CADM2: variants seen among roughly 807,000 people sequenced by gnomAD.
CADM2 encodes immunoglobulin superfamily member 4D.
Under a neutral mutation model 49.8 loss-of-function variants are expected in CADM2, and 12 were observed. The ratio of observed to expected loss-of-function variants is 0.24; its 90% CI spans 0.15 to 0.39. The LOEUF is 0.39. Ranked by LOEUF, CADM2 falls within the 10% of genes least tolerant of loss-of-function variation. The probability of loss-of-function intolerance (pLI) is 1.00; values close to 1 mark genes in which losing one functional copy is unlikely to be tolerated. For missense variants in CADM2, 378 were observed against 492.3 expected, an observed-to-expected ratio of 0.77 and a Z score of 2.20; for synonymous variants, 214 against 175.4, an observed-to-expected ratio of 1.22 and a Z score of -1.74.
At chr3:85,914,403 A>C (rs1718012927) in intron 6 of CADM2, among the ~76,000 whole-genome samples, 1 of 152,148 alleles carries the variant, frequency 6.6e-6, no homozygotes, top group African/African-American at 2.4e-5. Flanking sequence ...AATAAATGTC[A>C]ATTGTCTTCC....
chr3:86,021,465 C>T (rs1004594949), intron 8 of CADM2, among the ~76,000 whole-genome samples: 2 of 152,096 alleles, frequency 1.3e-5, no homozygotes, highest in African/African-American at 2.4e-5. Flanking sequence ...TAAGTAGTCT[C>T]TAATAATAAT....
At chr3:85,925,538 A>T (rs1719717773) in intron 6 of CADM2, among the ~76,000 whole-genome samples, 1 of 152,194 alleles carries the variant, frequency 6.6e-6, no homozygotes, top group Non-Finnish European at 1.5e-5. Flanking sequence ...TGTACCCAGG[A>T]AAAAACGAGA....
intron 1 of CADM2, among the ~76,000 whole-genome samples, chr3:85,089,726 A>T (rs2066300118): frequency 6.6e-6 from 1 of 152,132 alleles, no homozygotes; most frequent in Non-Finnish European, 1.5e-5. Flanking sequence ...TTCTGTACGA[A>T]AAACAAGCTT....
intron 1 of CADM2, among the ~76,000 whole-genome samples, chr3:85,086,734 T>C (rs895005851): frequency 6.6e-6 from 1 of 151,946 alleles, no homozygotes; most frequent in Non-Finnish European, 1.5e-5. Context: ...GTCTGGAACT[T>C]CTGAGTGTAA....
chr3:85,771,100 T>C (rs1351859363), intron 2 of CADM2, among the ~76,000 whole-genome samples: 2 of 152,112 alleles, frequency 1.3e-5, no homozygotes, highest in African/African-American at 2.4e-5. Context: ...TAGAAAACAA[T>C]AACTCTTCCA....
At chr3:85,454,225 G>A (rs1161991960) in intron 1 of CADM2, among the ~76,000 whole-genome samples, 1 of 152,076 alleles carries the variant, frequency 6.6e-6, no homozygotes, top group East Asian at 1.9e-4. Flanking sequence ...TGTGGTGGCA[G>A]GAGGCTGAGG....
At chr3:85,734,493 G>T (rs1348525803) in intron 2 of CADM2, among the ~76,000 whole-genome samples, 4 of 150,504 alleles carry the variant, frequency 2.7e-5, no homozygotes. Flanking sequence ...ATACAATGGA[G>T]ATTATATATA....
intron 8 of CADM2, among the ~76,000 whole-genome samples, chr3:85,977,511 T>C (rs1178025719): frequency 1.3e-5 from 2 of 151,598 alleles, no homozygotes; most frequent in African/African-American, 4.8e-5. Context: ...ATTTTCTATT[T>C]TAGATAAGTA....
intron 1 of CADM2, among the ~76,000 whole-genome samples, chr3:85,115,737 A>G (rs2038615891): frequency 6.6e-6 from 1 of 152,200 alleles, no homozygotes; most frequent in Admixed American, 6.5e-5. Flanking sequence ...TGTGCCTGAC[A>G]ATGATCCTGT....
chr3:85,336,982 A>C (rs912840138), intron 1 of CADM2, among the ~76,000 whole-genome samples: 1 of 55,756 alleles, frequency 1.8e-5, no homozygotes, highest in African/African-American at 6.0e-5. Flanking sequence ...TATATTTAAT[A>C]TATATATATT....
intron 1 of CADM2, among the ~76,000 whole-genome samples, chr3:85,686,934 C>T (rs2066235020): frequency 6.6e-6 from 1 of 152,140 alleles, no homozygotes; most frequent in African/African-American, 2.4e-5. Flanking sequence ...TGTCTAATGA[C>T]TCCCTAAAAT....
At chr3:85,658,389 A>T (rs2065274429) in intron 1 of CADM2, among the ~76,000 whole-genome samples, 1 of 151,644 alleles carries the variant, frequency 6.6e-6, no homozygotes, top group African/African-American at 2.4e-5. Flanking sequence ...TTCATCTAGG[A>T]CTTCTAATCT....
intron 1 of CADM2, among the ~76,000 whole-genome samples, chr3:85,393,775 A>G (rs993214208): frequency 6.6e-5 from 10 of 152,090 alleles, no homozygotes; most frequent in African/African-American, 2.4e-4. Flanking sequence ...TAATAACGAC[A>G]TATTTGCTCT....
intron 1 of CADM2, among the ~76,000 whole-genome samples, chr3:85,457,732 T>G (rs2107582247): frequency 6.6e-6 from 1 of 152,284 alleles, no homozygotes; most frequent in East Asian, 1.9e-4. Context: ...TTGTTTGTAA[T>G]GATTGACACT....
chr3:85,212,281 TTGA>T (rs2107770499), intron 1 of CADM2, among the ~76,000 whole-genome samples: 1 of 152,264 alleles, frequency 6.6e-6, no homozygotes, highest in South Asian at 2.1e-4. Context: ...AGTGTTGTTA[TTGA>T]TAAGTAAGGA....
intron 1 of CADM2, among the ~76,000 whole-genome samples, chr3:85,714,809 A>T (rs998893273): frequency 6.6e-6 from 1 of 151,992 alleles, no homozygotes; most frequent in Non-Finnish European, 1.5e-5. Flanking sequence ...TGATGCTATA[A>T]ACCCTTGAGA....
chr3:85,066,412 T>C (rs527847990), intron 1 of CADM2, among the ~76,000 whole-genome samples: 1 of 151,940 alleles, frequency 6.6e-6, no homozygotes, highest in Non-Finnish European at 1.5e-5. Flanking sequence ...AGTGCTATGA[T>C]ATTCAGTCAT....
chr3:85,918,389 T>A (rs1718661980), intron 6 of CADM2, among the ~76,000 whole-genome samples: 1 of 152,226 alleles, frequency 6.6e-6, no homozygotes, highest in Non-Finnish European at 1.5e-5. Context: ...GTCAAAGGCC[T>A]TTTCAGCATC....
intron 1 of CADM2, among the ~76,000 whole-genome samples, chr3:85,412,256 A>G (rs937251525): frequency 6.6e-6 from 1 of 152,194 alleles, no homozygotes; most frequent in African/African-American, 2.4e-5. Context: ...TACCTCTCAA[A>G]TGGATTACTG....
Sources: gnomAD v4.1 joint callset for allele counts (sites outside exome capture counted in the v4.1 genomes callset) on GRCh38, gnomAD v4.1.1 for gene constraint, MANE v1.5 for transcripts, NCBI Gene and HGNC (gene_info 2026-07-23, HGNC 2026-07-21) for gene names.